PELI2: variants seen among roughly 807,000 people sequenced by gnomAD.
The protein encoded by PELI2 is pellino E3 ubiquitin protein ligase family member 2, also known as E3 ubiquitin-protein ligase pellino homolog 2.
In PELI2, 23 loss-of-function variants were observed where a neutral mutation model predicts 42.3. That is an observed-to-expected ratio of 0.54 (90% CI 0.39 to 0.77). The LOEUF (loss-of-function observed/expected upper bound fraction) is 0.77, where lower values mean the gene tolerates loss of function less well. Among genes scored for constraint, PELI2 ranks in the 30% least tolerant of loss-of-function variants. The pLI, the probability that PELI2 is intolerant of heterozygous loss-of-function variation, is 0.00. For synonymous variants in PELI2, 245 were observed against 212.2 expected, an observed-to-expected ratio of 1.15 and a Z score of -1.34; for missense variants, 463 against 553.2, an observed-to-expected ratio of 0.84 and a Z score of 1.64.
At chr14:56,118,793 C>T (rs1360922987) in intron 1 of PELI2, 56 bp downstream of exon 1, 10 of 1,249,832 alleles carry the variant, frequency 8.0e-6, no homozygotes, top group South Asian at 1.4e-5. Context: ...GCGCCCGCAT[C>T]CTGGAGCGGG....
rs149420361 is a variant in PELI2, at chr14:56,293,863, G to A, written c.697-2737G>A. Among the ~76,000 whole-genome samples the A allele has an allele frequency of 3.3e-5, 5 of 152,320 alleles. No homozygotes were observed. In the East Asian group the frequency reaches 9.7e-4, roughly 29 times the overall value. ...AGAACTGCCCTGCAGGAGGAAAGGG[G>A]GGTTGTTCCACAGCCAGAGGCTAGG... On this transcript the variant is annotated intron_variant, in intron 5 of 5. Coordinates refer to ENST00000267460, the MANE Select transcript of PELI2 (RefSeq NM_021255.3).
intron 2 of PELI2, among the ~76,000 whole-genome samples, chr14:56,196,411 C>T (rs1336347487): frequency 6.6e-6 from 1 of 152,210 alleles, no homozygotes; most frequent in Non-Finnish European, 1.5e-5. Flanking sequence ...GGTGATGAGA[C>T]AGTAATTACA....
chr14:56,138,289 C>G (rs889975979), intron 1 of PELI2, among the ~76,000 whole-genome samples: 1 of 152,140 alleles, frequency 6.6e-6, no homozygotes, highest in African/African-American at 2.4e-5. Flanking sequence ...GCAAAAAGTG[C>G]CACATCTCAA....
chr14:56,271,155 G>A (rs145563120), intron 2 of PELI2, among the ~76,000 whole-genome samples: 3 of 152,218 alleles, frequency 2.0e-5, no homozygotes, highest in Admixed American at 1.3e-4. Flanking sequence ...GCTCTGCCCC[G>A]ACATCACAGT....
chr14:56,191,117 T>C (rs1885935761), intron 2 of PELI2, among the ~76,000 whole-genome samples: 1 of 152,220 alleles, frequency 6.6e-6, no homozygotes, highest in South Asian at 2.1e-4. Flanking sequence ...GCATTGGACT[T>C]GGTCCTGACA....
At chr14:56,201,756 A>T in intron 2 of PELI2, among the ~76,000 whole-genome samples, 1 of 152,232 alleles carries the variant, frequency 6.6e-6, no homozygotes, top group East Asian at 1.9e-4. Flanking sequence ...TAATTCAGCA[A>T]GCTAACTATG....
At chr14:56,280,230 G>A (rs1352778638) in intron 3 of PELI2, among the ~76,000 whole-genome samples, 2 of 151,988 alleles carry the variant, frequency 1.3e-5, no homozygotes, top group Non-Finnish European at 2.9e-5. Flanking sequence ...TAAGAGGAGG[G>A]AAAGAGAGAG....
intron 1 of PELI2, among the ~76,000 whole-genome samples, chr14:56,124,750 T>C (rs879474647): frequency 2.0e-5 from 3 of 152,160 alleles, no homozygotes; most frequent in African/African-American, 4.8e-5. Flanking sequence ...CAGGATGAGA[T>C]GGGGATGACC....
chr14:56,297,261 G>A lies in PELI2; in HGVS notation c.*95G>A. The A allele has an allele frequency of 1.3e-6, 1 of 789,566 alleles. No homozygotes were observed. The highest frequency in any genetic ancestry group is 2.0e-6 in the Non-Finnish European group (1 of 494,082). 48.9% of individuals were successfully genotyped at this position (789,566 alleles called of 1,614,324 possible). On this transcript the variant is annotated 3_prime_UTR_variant, in exon 6 of 6. Coordinates refer to ENST00000267460, the MANE Select transcript of PELI2 (RefSeq NM_021255.3). ...TACCTTTTTGTAATGCTGTTTATCAGAGGAGGGTGACAGGGGCTGGAAATA... is the reference window on the plus strand; with the variant it reads ...TACCTTTTTGTAATGCTGTTTATCAAAGGAGGGTGACAGGGGCTGGAAATA...
chr14:56,200,953 C>T (rs1479742), intron 2 of PELI2, among the ~76,000 whole-genome samples: 61,299 of 151,974 alleles, frequency 0.4, 13,067 homozygotes, highest in South Asian at 0.53. Context: ...CATAGGCCTT[C>T]TTTTTAAATA....
intron 2 of PELI2, among the ~76,000 whole-genome samples, chr14:56,202,758 C>A (rs1886376031): frequency 2.6e-5 from 4 of 152,174 alleles, no homozygotes; most frequent in Admixed American, 2.6e-4. Flanking sequence ...AGCATATCAT[C>A]TGTGAAGTCT....
At chr14:56,150,492 A>G (rs764018827) in intron 1 of PELI2, among the ~76,000 whole-genome samples, 15 of 152,098 alleles carry the variant, frequency 9.9e-5, no homozygotes, top group Non-Finnish European at 2.1e-4. Context: ...AGGCTAGCCT[A>G]TATCTGACAC....
chr14:56,156,788 T>C (rs1426656980), intron 1 of PELI2, among the ~76,000 whole-genome samples: 1 of 152,214 alleles, frequency 6.6e-6, no homozygotes, highest in Non-Finnish European at 1.5e-5. Flanking sequence ...GTGGCTACTA[T>C]GTTGGACAAT....
At chr14:56,201,727 G>A (rs1173472520) in intron 2 of PELI2, among the ~76,000 whole-genome samples, 2 of 152,142 alleles carry the variant, frequency 1.3e-5, no homozygotes, top group Non-Finnish European at 2.9e-5. Flanking sequence ...CCAAGATATA[G>A]TTAGTAGTGC....
chr14:56,216,599 A>G (rs919244373), intron 2 of PELI2, among the ~76,000 whole-genome samples: 2 of 152,252 alleles, frequency 1.3e-5, no homozygotes, highest in African/African-American at 4.8e-5. Flanking sequence ...CCGAGTTTTC[A>G]TACATTTGAT....
chr14:56,253,790 C>G (rs1423740209), intron 2 of PELI2, among the ~76,000 whole-genome samples: 1 of 152,000 alleles, frequency 6.6e-6, no homozygotes, highest in Non-Finnish European at 1.5e-5. Context: ...AGATTCAGTG[C>G]TATCCCCATC....
At chr14:56,225,511 G>A (rs1032898813) in intron 2 of PELI2, among the ~76,000 whole-genome samples, 2 of 152,192 alleles carry the variant, frequency 1.3e-5, no homozygotes, top group Non-Finnish European at 2.9e-5. Context: ...TGGGGCCCAC[G>A]TTGGGCTGAA....
At chr14:56,137,298 T>G (rs1050591955) in intron 1 of PELI2, among the ~76,000 whole-genome samples, 2 of 152,138 alleles carry the variant, frequency 1.3e-5, no homozygotes, top group African/African-American at 4.8e-5. Flanking sequence ...GTCATTGGAA[T>G]GGGTAACAGA....
At chr14:56,240,995 T>G (rs1037408367) in intron 2 of PELI2, among the ~76,000 whole-genome samples, 10 of 152,184 alleles carry the variant, frequency 6.6e-5, no homozygotes, top group African/African-American at 2.4e-4. Context: ...ATGGGGATTT[T>G]TCAAAGTGAA....
Sources: gnomAD v4.1 joint callset for allele counts (sites outside exome capture counted in the v4.1 genomes callset) on GRCh38, gnomAD v4.1.1 for gene constraint, MANE v1.5 for transcripts, NCBI Gene and HGNC (gene_info 2026-07-23, HGNC 2026-07-21) for gene names.